Variants in SCUBE1 observed in about 807,000 individuals in gnomAD.
SCUBE1 encodes signal peptide, CUB domain and EGF like domain containing 1, also known as signal peptide, CUB and EGF-like domain-containing protein 1.
SCUBE1 carries 59 observed loss-of-function variants against 124.4 expected under a neutral mutation model. The observed-to-expected ratio is 0.47, with a 90% CI of 0.38 to 0.59. The LOEUF (loss-of-function observed/expected upper bound fraction) is 0.59. Among genes scored for constraint, SCUBE1 ranks in the 20% least tolerant of loss-of-function variants. The probability of loss-of-function intolerance (pLI) is 0.00; values close to 1 mark genes in which losing one functional copy is unlikely to be tolerated. For missense variants in SCUBE1, 1,150 were observed against 1,371.2 expected, an observed-to-expected ratio of 0.84 and a Z score of 2.55; for synonymous variants, 545 against 550.9, an observed-to-expected ratio of 0.99 and a Z score of 0.15.
intron 4 of SCUBE1, among the ~76,000 whole-genome samples, chr22:43,271,081 T>G (rs923460233): frequency 7.2e-5 from 11 of 152,208 alleles, no homozygotes; most frequent in African/African-American, 2.7e-4. Context: ...CTCGCCCTCC[T>G]CTGAATGGCA....
In SCUBE1 at chr22:43,199,481, C is replaced by T. The variant is rs1920971804; in HGVS notation, c.*4516G>A. The T allele has an allele frequency of 6.6e-6, 1 of 151,286 alleles. No homozygotes were observed. The highest frequency in any genetic ancestry group is 1.9e-4 in the East Asian group (1 of 5,194). 9.4% of individuals were successfully genotyped at this position (151,286 alleles called of 1,614,324 possible). A position where few individuals can be genotyped will look rare whatever the true frequency, so the allele number is the denominator to read the frequency against. On this transcript the variant is annotated 3_prime_UTR_variant, in exon 22 of 22. Transcript: ENST00000360835. ...AGGCCTTCAAATTTGGCCTCTTGTG[C>T]CATCCTTGTCTGGGGATGTTTTGGC...
intron 11 of SCUBE1, 56 bp from the exon 12 acceptor site, chr22:43,222,798 C>A: frequency 7.3e-7 from 1 of 1,368,302 alleles, no homozygotes; most frequent in Non-Finnish European, 1.0e-6. Flanking sequence ...CCACGGCCCT[C>A]AGATTCTTGG....
At position 43,343,200 on chromosome 22, in the gene SCUBE1, CG is replaced by C; in HGVS notation, c.61del (p.Arg21GlyfsTer144). The part of the protein sequence containing the change: ...CVLLALGTRG[R>X]LAGGSGLPGS... ...TGGGAGCCCGCTGCCCCCGGCCAGC[CG>C]CCCGCGTGTGCCCAGGGCCAGCAGC... On this transcript the variant is annotated frameshift_variant, in exon 1 of 22. Coordinates refer to ENST00000360835, the MANE Select transcript of SCUBE1 (RefSeq NM_173050.5). LOFTEE classifies it high-confidence loss of function. 8.3e-7 allele frequency: 1 copy of C among 1,201,550 alleles called. No individual in the cohort carries two copies. The highest frequency in any genetic ancestry group is 2.8e-5 in the South Asian group (1 of 35,808). 74.4% of individuals were successfully genotyped at this position (1,201,550 alleles called of 1,614,324 possible).
At chr22:43,260,313 C>T (rs1409568372) in intron 5 of SCUBE1, among the ~76,000 whole-genome samples, 5 of 152,230 alleles carry the variant, frequency 3.3e-5, no homozygotes, top group East Asian at 1.9e-4. Context: ...GTCGAGCCTT[C>T]GAATACCGGA....
At chr22:43,317,646 C>A (rs1346996492) in intron 3 of SCUBE1, among the ~76,000 whole-genome samples, 2 of 152,220 alleles carry the variant, frequency 1.3e-5, no homozygotes, top group Non-Finnish European at 2.9e-5. Context: ...CAAAAGAGGG[C>A]CTTGGGGACA....
chr22:43,245,733 C>G (rs1432137517), intron 6 of SCUBE1, among the ~76,000 whole-genome samples: 1 of 152,328 alleles, frequency 6.6e-6, no homozygotes, highest in East Asian at 1.9e-4. Flanking sequence ...TTAGCCCGGC[C>G]CTGCTGAAAT....
At chr22:43,267,330 A>G (rs1381246697) in intron 4 of SCUBE1, among the ~76,000 whole-genome samples, 3 of 152,188 alleles carry the variant, frequency 2.0e-5, no homozygotes, top group African/African-American at 7.2e-5. Flanking sequence ...AAAGGGAGAG[A>G]GGAGGGAGCA....
intron 3 of SCUBE1, among the ~76,000 whole-genome samples, chr22:43,319,203 A>G (rs1926453806): frequency 6.6e-6 from 1 of 152,140 alleles, no homozygotes. Flanking sequence ...ATTAACTTAA[A>G]AATGGAGTTT....
chr22:43,231,651 T>G, intron 8 of SCUBE1, 102 bp downstream of exon 8: 1 of 1,427,898 alleles, frequency 7.0e-7, no homozygotes, highest in Non-Finnish European at 9.5e-7. Context: ...CCCAGCCCCA[T>G]CCGCATTCCC....
At chr22:43,278,939 C>T (rs7288725) in intron 4 of SCUBE1, among the ~76,000 whole-genome samples, 50,524 of 151,960 alleles carry the variant, frequency 0.33, 8,654 homozygotes, top group South Asian at 0.44. Flanking sequence ...CCTGAGGACA[C>T]CTGTGGGCTG....
In SCUBE1 at chr22:43,208,105, T is replaced by C. The variant is rs772785171; in HGVS notation, c.2701A>G (p.Lys901Glu). 6.2e-7 allele frequency: 1 copy of C among 1,614,152 alleles called. No homozygotes were observed. Residue 901 changes from lysine to glutamate, a missense_variant, in exon 20 of 22, where the codon AAA becomes GAA. Around this residue, in one of 3 missense-constraint regions of SCUBE1, gnomAD observed 757 missense variants for 840.9 expected, o/e 0.90. Coordinates refer to ENST00000360835, the MANE Select transcript of SCUBE1 (RefSeq NM_173050.5). Reference sequence around the variant, plus strand: ...GTGACATAGGGCACTTGGAAGCCTTTGCCGCTGTTGCCTTCATTGGATTTG... The same window carrying C: ...GTGACATAGGGCACTTGGAAGCCTTCGCCGCTGTTGCCTTCATTGGATTTG... ...QFKSNEGNSG[K>E]GFQVPYVTYD...
chr22:43,337,071 C>T (rs1284490313), intron 2 of SCUBE1, among the ~76,000 whole-genome samples: 1 of 152,070 alleles, frequency 6.6e-6, no homozygotes, highest in African/African-American at 2.4e-5. Context: ...GATAGGGAGA[C>T]CCCTGGCAGT....
chr22:43,261,640 A>T (rs1439192075), intron 5 of SCUBE1, among the ~76,000 whole-genome samples: 1 of 152,148 alleles, frequency 6.6e-6, no homozygotes, highest in Admixed American at 6.5e-5. Flanking sequence ...CATTTTCTTT[A>T]TGACAGCGGG....
At chr22:43,217,294 G>C (rs73163950) in intron 15 of SCUBE1, among the ~76,000 whole-genome samples, 11 of 151,152 alleles carry the variant, frequency 7.3e-5, no homozygotes, top group Admixed American at 3.3e-4. Context: ...GAGCGTCTCA[G>C]ACTGAACATG....
rs1921003423 is a variant in SCUBE1 at position 43,201,324 on chromosome 22, A to AAAAG, written c.*2669_*2672dup. On this transcript the variant is annotated 3_prime_UTR_variant, in exon 22 of 22. Transcript: ENST00000360835. The stretch of plus-strand genomic sequence containing the variant: ...ATCTCAAAAAAAAAAAAAAAAAAAA[A>AAAAG]AAAGAAAACAAAAAAAGAAAACAAA... The AAAAG allele has an allele frequency of 6.8e-6, 1 of 147,744 alleles. No individual in the cohort carries two copies. Among genetic ancestry groups the AAAAG allele is most frequent in the East Asian group, 1.9e-4 (1 of 5,188 alleles). 9.2% of individuals were successfully genotyped at this position (147,744 alleles called of 1,614,324 possible).
chr22:43,208,661 G>A (rs1921400691), intron 19 of SCUBE1, among the ~76,000 whole-genome samples: 1 of 152,188 alleles, frequency 6.6e-6, no homozygotes, highest in Admixed American at 6.5e-5. Context: ...ACTGACTGCT[G>A]GGACCAGAGG....
At chr22:43,246,452 T>C (rs1475826993) in intron 6 of SCUBE1, among the ~76,000 whole-genome samples, 1 of 152,160 alleles carries the variant, frequency 6.6e-6, no homozygotes, top group East Asian at 1.9e-4. Flanking sequence ...CAGGGAGGCT[T>C]GGGGATCTGA....
At chr22:43,228,937 G>A (rs1290751791) in intron 9 of SCUBE1, 135 bp downstream of exon 9, 1 of 666,796 alleles carries the variant, frequency 1.5e-6, no homozygotes, top group Non-Finnish European at 2.7e-6. Context: ...CTCTGCCCAG[G>A]AGTCCCCATC....
In SCUBE1 at chr22:43,258,659, G is replaced by C. The variant is rs192950317; in HGVS notation, c.611-324C>G. Among the ~76,000 whole-genome samples, 1 of 152,318 alleles carries C rather than the reference G, an allele frequency of 6.6e-6. No homozygotes were observed. The highest frequency in any genetic ancestry group is 1.9e-4 in the East Asian group (1 of 5,180). Reference sequence around the variant, plus strand: ...AAGACAGCTTCATCCTTCTCAGACTGCAGGACATTTTATAGCTGCCTGTCT... The same window carrying C: ...AAGACAGCTTCATCCTTCTCAGACTCCAGGACATTTTATAGCTGCCTGTCT... On this transcript the variant is annotated intron_variant, in intron 5 of 21. Transcript: ENST00000360835. This position sits in a 1 kb window ranked among gnomAD's most constrained non-coding sequence, Gnocchi z 5.0.
Sources: allele counts gnomAD v4.1 joint callset (sites outside exome capture counted in the v4.1 genomes callset), GRCh38; gene constraint gnomAD v4.1.1; regional missense constraint gnomAD v4.1.1; non-coding constraint Gnocchi (gnomAD v3.1); transcripts MANE v1.5; gene names NCBI Gene and HGNC (gene_info 2026-07-23, HGNC 2026-07-21).